The following PBX1 variants were observed in gnomAD, a reference collection of about 807,000 sequenced individuals.
The protein encoded by PBX1 is PBX homeobox 1.
PBX1 carries 6 observed loss-of-function variants against 53.4 expected under a neutral mutation model. That is an observed-to-expected ratio of 0.11 (90% CI 0.06 to 0.22). The LOEUF (loss-of-function observed/expected upper bound fraction) is 0.22, where lower values mean the gene tolerates loss of function less well. Among genes scored for constraint, PBX1 ranks in the 10% least tolerant of loss-of-function variants. The pLI is 1.00. For missense variants in PBX1, 251 were observed against 551.4 expected, an observed-to-expected ratio of 0.46 and a Z score of 5.46; for synonymous variants, 204 against 212.3, an observed-to-expected ratio of 0.96 and a Z score of 0.34.
intron 3 of PBX1, among the ~76,000 whole-genome samples, chr1:164,796,611 A>G (rs1011748317): frequency 6.6e-6 from 1 of 152,172 alleles, no homozygotes; most frequent in Non-Finnish European, 1.5e-5. Context: ...TGAAGGAGTC[A>G]AGGAAGAAGA....
At chr1:164,835,308 C>T (rs368198489) in intron 8 of PBX1, among the ~76,000 whole-genome samples, 1 of 149,816 alleles carries the variant, frequency 6.7e-6, no homozygotes, top group Non-Finnish European at 1.5e-5. Context: ...ACATTTAATG[C>T]ACATTTTCTG....
intron 2 of PBX1, among the ~76,000 whole-genome samples, chr1:164,743,262 C>T (rs1449173363): frequency 5.3e-5 from 8 of 152,108 alleles, no homozygotes; most frequent in Admixed American, 3.3e-4. Context: ...TTGTTCATCT[C>T]CTTTTCTCAT....
At chr1:164,702,978 T>C (rs1287125823) in intron 2 of PBX1, 1 of 151,650 alleles carries the variant, frequency 6.6e-6, no homozygotes, top group East Asian at 1.9e-4. Context: ...TATCTTTGGA[T>C]TTTTGAAAAC....
chr1:164,786,725 G>GCGCGCGCGCA (rs1668212061), intron 2 of PBX1, among the ~76,000 whole-genome samples: 1 of 143,042 alleles, frequency 7.0e-6, no homozygotes, highest in Non-Finnish European at 1.5e-5. Context: ...GTGTGTGCGC[G>GCGCGCGCGCA]CGCACACACA....
intron 2 of PBX1, among the ~76,000 whole-genome samples, chr1:164,678,142 T>G (rs138923405): frequency 6.6e-6 from 1 of 152,090 alleles, no homozygotes; most frequent in Non-Finnish European, 1.5e-5. Flanking sequence ...AAGGGGGTGA[T>G]CCAATGGAAT....
chr1:164,651,283 A>G (rs1659798000), intron 2 of PBX1, among the ~76,000 whole-genome samples: 1 of 151,700 alleles, frequency 6.6e-6, no homozygotes, highest in African/African-American at 2.4e-5. Flanking sequence ...GAGGCTGTGC[A>G]GAGGCGGGGG....
At chr1:164,716,077 T>C (rs921368327) in intron 2 of PBX1, among the ~76,000 whole-genome samples, 2 of 152,208 alleles carry the variant, frequency 1.3e-5, no homozygotes, top group African/African-American at 2.4e-5. Context: ...GTGACTGGCA[T>C]ATTTGGGTCA....
chr1:164,884,421 G>A, intron 2 of PBX1: 1 of 310,166 alleles, frequency 3.2e-6, no homozygotes, highest in Non-Finnish European at 6.5e-6. Context: ...CCAGAGGGTG[G>A]GCGAAAGAAA....
intron 4 of PBX1, 99 bp from the exon 5 acceptor site, chr1:164,807,443 T>C (rs1165654741): frequency 4.1e-6 from 6 of 1,449,732 alleles, no homozygotes; most frequent in Middle Eastern, 1.8e-4. Context: ...CACCTTTTGC[T>C]CAAAAATTTG....
At chr1:164,645,935 A>G (rs1377882522) in intron 2 of PBX1, among the ~76,000 whole-genome samples, 1 of 152,200 alleles carries the variant, frequency 6.6e-6, no homozygotes, top group Non-Finnish European at 1.5e-5. Context: ...CTTGGATCCA[A>G]GCCTCAGAAG....
intron 2 of PBX1, among the ~76,000 whole-genome samples, chr1:164,733,166 T>C (rs1665089542): frequency 6.6e-6 from 1 of 152,236 alleles, no homozygotes; most frequent in Admixed American, 6.5e-5. Flanking sequence ...TGTTGAGTTC[T>C]GACTTCAGAC....
At chr1:164,562,244 C>A (rs933428991) in intron 1 of PBX1, among the ~76,000 whole-genome samples, 2 of 151,934 alleles carry the variant, frequency 1.3e-5, no homozygotes, top group Non-Finnish European at 2.9e-5. Context: ...TTTTAACTTT[C>A]AAAGGGATTA....
At chr1:164,868,257 C>T (rs935263225) in intron 2 of PBX1, among the ~76,000 whole-genome samples, 3 of 152,144 alleles carry the variant, frequency 2.0e-5, no homozygotes, top group African/African-American at 7.2e-5. Flanking sequence ...CCGAGATATT[C>T]TCTCTTCCCT....
intron 2 of PBX1, among the ~76,000 whole-genome samples, chr1:164,663,102 C>T (rs1660582953): frequency 6.6e-6 from 1 of 152,160 alleles, no homozygotes; most frequent in South Asian, 2.1e-4. Context: ...GCATGTCAGT[C>T]AAAGGAATGA....
intron 2 of PBX1, among the ~76,000 whole-genome samples, chr1:164,739,753 ATGTGTGTGTGTG>A (rs57602745): frequency 0.17 from 24,489 of 143,006 alleles, 2,570 homozygotes; most frequent in South Asian, 0.36. Flanking sequence ...GTGGTTGTGC[ATGTGTGTGTGTG>A]TGTGTGTGTG....
chr1:164,655,418 A>T (rs894293872), intron 2 of PBX1, among the ~76,000 whole-genome samples: 2 of 152,024 alleles, frequency 1.3e-5, no homozygotes, highest in African/African-American at 4.8e-5. Context: ...CGGCCTCTGA[A>T]GTCTTTTTTA....
intron 2 of PBX1, among the ~76,000 whole-genome samples, chr1:164,874,221 AT>A (rs1672450969): frequency 6.6e-6 from 1 of 152,166 alleles, no homozygotes; most frequent in Non-Finnish European, 1.5e-5. Flanking sequence ...ATAACTTAAT[AT>A]AAGAACTTGG....
chr1:164,752,480 A>G (rs573143256), intron 2 of PBX1, among the ~76,000 whole-genome samples: 1 of 152,168 alleles, frequency 6.6e-6, no homozygotes, highest in South Asian at 2.1e-4. Flanking sequence ...AGAGGAGGGG[A>G]TTGTTAATTA....
In PBX1 at chr1:164,849,521, G is replaced by A; in HGVS notation, c.*2845G>A. The A allele has an allele frequency of 2.9e-6, 4 of 1,393,236 alleles. No individual in the cohort carries two copies. The highest frequency in any genetic ancestry group is 1.4e-5 in the African/African-American group (1 of 69,992). 86.3% of individuals were successfully genotyped at this position (1,393,236 alleles called of 1,614,324 possible). A position where few individuals can be genotyped will look rare whatever the true frequency, so the allele number is the denominator to read the frequency against. ...TCACATGAGGCCAGTCCTACAGAGA[G>A]CAAGATGCACCCCAGGATTTCTTCA... On this transcript the variant is annotated 3_prime_UTR_variant, in exon 9 of 9. Transcript: ENST00000420696.
Sources: gnomAD v4.1 joint callset for allele counts (sites outside exome capture counted in the v4.1 genomes callset) on GRCh38, gnomAD v4.1.1 for gene constraint, MANE v1.5 for transcripts, NCBI Gene and HGNC (gene_info 2026-07-23, HGNC 2026-07-21) for gene names.